Variants in FCHSD2 observed in about 807,000 individuals in gnomAD.
FCHSD2 encodes FCH and double SH3 domains 2.
Under a neutral mutation model 108.1 loss-of-function variants are expected in FCHSD2, and 38 were observed. That is an observed-to-expected ratio of 0.35 (90% CI 0.27 to 0.46). The LOEUF (loss-of-function observed/expected upper bound fraction) is 0.46. Ranked by LOEUF, FCHSD2 falls within the 20% of genes least tolerant of loss-of-function variation. The probability of loss-of-function intolerance (pLI) is 1.00; values close to 1 mark genes in which losing one functional copy is unlikely to be tolerated. For synonymous variants in FCHSD2, 279 were observed against 314.7 expected (o/e 0.89, Z 1.20); for missense variants, 751 against 897.8 (o/e 0.84, Z 2.09).
chr11:73,020,575 A>T (rs904265397), intron 3 of FCHSD2, among the ~76,000 whole-genome samples: 5 of 152,108 alleles, frequency 3.3e-5, no homozygotes, highest in African/African-American at 4.8e-5. Context: ...TATATTCTTA[A>T]ATCACTTTAA....
intron 3 of FCHSD2, among the ~76,000 whole-genome samples, chr11:73,070,418 T>TTTTTTA (rs1435185397): frequency 3.3e-5 from 5 of 151,916 alleles, no homozygotes; most frequent in Admixed American, 6.6e-5. Flanking sequence ...AATGTCAGGG[T>TTTTTTA]TTTTTATTTT....
At chr11:72,927,906 T>C (rs1021348215) in intron 8 of FCHSD2, among the ~76,000 whole-genome samples, 4 of 152,224 alleles carry the variant, frequency 2.6e-5, no homozygotes, top group Admixed American at 6.5e-5. Context: ...GGAATGACCT[T>C]GAGCTCTGAA....
intron 3 of FCHSD2, among the ~76,000 whole-genome samples, chr11:73,078,035 T>C (rs890895839): frequency 6.6e-6 from 1 of 152,210 alleles, no homozygotes; most frequent in African/African-American, 2.4e-5. Flanking sequence ...GTGCTAGTTA[T>C]ATGGATGTGT....
At chr11:73,043,968 C>T (rs372699005) in intron 3 of FCHSD2, among the ~76,000 whole-genome samples, 16 of 152,158 alleles carry the variant, frequency 1.1e-4, no homozygotes, top group African/African-American at 3.6e-4. Flanking sequence ...CCAATTTTGG[C>T]AACAAACTAT....
In FCHSD2 at chr11:73,053,106, A is replaced by G. The variant is rs1261181585; in HGVS notation, c.165+30589T>C. On this transcript the variant is annotated intron_variant, in intron 3 of 19. Coordinates refer to ENST00000409418, the MANE Select transcript of FCHSD2 (RefSeq NM_014824.3). ...AGTGATCTGCCCACCTCAGCCTCCC[A>G]AAGTGCTGGGATTACAGGAGTGAGC... 2.7e-5 allele frequency among the ~76,000 whole-genome samples: 4 copies of G among 150,004 alleles called. No homozygotes were observed. In the East Asian group the frequency reaches 7.8e-4, roughly 29 times the overall value.
chr11:72,921,947 G>C lies in FCHSD2; in HGVS notation c.709C>G (p.Leu237Val). ...QTDLVNIMKALDGNVYDHLKD... is the reference protein window; with the variant it reads ...QTDLVNIMKAVDGNVYDHLKD... ...AGATGATCATACACATTTCCATCAA[G>C]AGCCTGTAATAGAGGAGTAAATAAA... The change falls in exon 9 of 20, where the codon CTT becomes GTT. Residue 237 changes from leucine (L) to valine (V), a missense_variant. Transcript: ENST00000409418. 1.3e-6 allele frequency: 2 copies of C among 1,586,000 alleles called. No individual in the cohort carries two copies. Among genetic ancestry groups the C allele is most frequent in the Non-Finnish European group, 1.7e-6 (2 of 1,164,438 alleles).
intron 9 of FCHSD2, among the ~76,000 whole-genome samples, chr11:72,909,932 A>G: frequency 7.9e-6 from 1 of 127,314 alleles, no homozygotes; most frequent in African/African-American, 3.1e-5. Context: ...ATCATCTGAG[A>G]TGTGAGGAGT....
At chr11:73,132,286 G>C (rs536966927) in intron 2 of FCHSD2, among the ~76,000 whole-genome samples, 1 of 152,296 alleles carries the variant, frequency 6.6e-6, no homozygotes, top group East Asian at 1.9e-4. Flanking sequence ...AATAACAGTA[G>C]CTACCAATGC....
intron 2 of FCHSD2, among the ~76,000 whole-genome samples, chr11:73,096,476 A>G (rs1465706661): frequency 6.6e-6 from 1 of 151,850 alleles, no homozygotes; most frequent in Non-Finnish European, 1.5e-5. Context: ...ACCTGAACAC[A>G]GGAGGCAGAG....
intron 3 of FCHSD2, among the ~76,000 whole-genome samples, chr11:73,047,894 T>A (rs971227333): frequency 2.6e-5 from 4 of 152,152 alleles, no homozygotes; most frequent in African/African-American, 9.7e-5. Flanking sequence ...GCAACAACTG[T>A]GAGTTATTTA....
intron 13 of FCHSD2, among the ~76,000 whole-genome samples, chr11:72,858,682 G>A (rs1434715930): frequency 6.6e-6 from 1 of 152,134 alleles, no homozygotes; most frequent in Non-Finnish European, 1.5e-5. Flanking sequence ...CTTAACACCT[G>A]GGTGATGAAA....
intron 3 of FCHSD2, among the ~76,000 whole-genome samples, chr11:73,053,742 TTTAG>T (rs1296560132): frequency 2.0e-5 from 3 of 152,176 alleles, no homozygotes; most frequent in Non-Finnish European, 2.9e-5. Flanking sequence ...TGGCTTTGTG[TTTAG>T]TTAGTATTAC....
At chr11:73,082,264 G>A (rs1353785962) in intron 3 of FCHSD2, among the ~76,000 whole-genome samples, 1 of 145,512 alleles carries the variant, frequency 6.9e-6, no homozygotes, top group Non-Finnish European at 1.5e-5. Flanking sequence ...TTGAATCTGG[G>A]AGGTGGAAGT....
intron 8 of FCHSD2, chr11:72,983,801 A>G: frequency 2.0e-6 from 1 of 507,600 alleles, no homozygotes; most frequent in Non-Finnish European, 3.8e-6. Flanking sequence ...TTCTTACATC[A>G]CTCTTGTATC....
At chr11:72,990,878 T>C (rs886387746) in intron 5 of FCHSD2, among the ~76,000 whole-genome samples, 1 of 151,686 alleles carries the variant, frequency 6.6e-6, no homozygotes, top group Non-Finnish European at 1.5e-5. Flanking sequence ...CTGAACGAAA[T>C]AGAGACACAA....
At chr11:72,867,839 G>T in intron 13 of FCHSD2, 26 bp downstream of exon 13, 1 of 1,598,614 alleles carries the variant, frequency 6.3e-7, no homozygotes, top group Non-Finnish European at 8.5e-7. Context: ...AAATCAACTT[G>T]TCATATCCAA....
At position 72,913,821 on chromosome 11, in the gene FCHSD2, A is replaced by C. The variant is rs79725269; in HGVS notation, c.828+8007T>G. Among the ~76,000 whole-genome samples, 44 of 144,558 alleles carry C rather than the reference A, an allele frequency of 3.0e-4. 1 individual carries two copies. The highest frequency in any genetic ancestry group is 4.2e-4 in the African/African-American group (16 of 37,882). The allele number at this position is 144,558 out of a possible 152,430, so 94.8% of individuals were successfully genotyped here. A position where few individuals can be genotyped will look rare whatever the true frequency, so the allele number is the denominator to read the frequency against. On this transcript the variant is annotated intron_variant, in intron 9 of 19. Coordinates refer to ENST00000409418, the MANE Select transcript of FCHSD2 (RefSeq NM_014824.3). ...CTGATATACAAAAAAACCAAAAAAA[A>C]CCCAAAAAAAAAACAAAAAAAAAAA...
chr11:72,900,367 A>G (rs1331864863), intron 10 of FCHSD2: 13 of 1,410,000 alleles, frequency 9.2e-6, no homozygotes, highest in Non-Finnish European at 1.2e-5. Flanking sequence ...AAAACATAGC[A>G]TAGAGTTAGA....
intron 12 of FCHSD2, among the ~76,000 whole-genome samples, chr11:72,884,319 A>G (rs1855152262): frequency 6.6e-6 from 1 of 152,126 alleles, no homozygotes; most frequent in South Asian, 2.1e-4. Context: ...GTTAGGAAAT[A>G]CATGTTTATT....
Sources: gnomAD v4.1 joint callset for allele counts (sites outside exome capture counted in the v4.1 genomes callset) on GRCh38, gnomAD v4.1.1 for gene constraint, MANE v1.5 for transcripts, NCBI Gene and HGNC (gene_info 2026-07-23, HGNC 2026-07-21) for gene names.